Variants in FGF14 observed in about 807,000 individuals in gnomAD.
The protein encoded by FGF14 is fibroblast growth factor homologous factor 4.
Under a neutral mutation model 25.5 loss-of-function variants are expected in FGF14, and 5 were observed. That is an observed-to-expected ratio of 0.20 (90% CI 0.10 to 0.41). The LOEUF is 0.41. FGF14 is among the 10% of genes least tolerant of loss of function. The pLI is 1.00. For missense variants in FGF14, 222 were observed against 320.1 expected, an observed-to-expected ratio of 0.69 and a Z score of 2.34; for synonymous variants, 138 against 118.3, an observed-to-expected ratio of 1.17 and a Z score of -1.08.
chr13:102,087,414 T>C (rs1384446117), intron 1 of FGF14, among the ~76,000 whole-genome samples: 4 of 132,928 alleles, frequency 3.0e-5, no homozygotes, highest in Non-Finnish European at 6.5e-5. Context: ...TTTCTTTTTT[T>C]TTTTTTTTTT....
intron 3 of FGF14, among the ~76,000 whole-genome samples, chr13:101,803,061 G>A (rs2040979433): frequency 6.6e-6 from 1 of 151,768 alleles, no homozygotes; most frequent in Non-Finnish European, 1.5e-5. Context: ...CTTTGCTCTG[G>A]ACAAAGGGGG....
chr13:102,025,951 T>C (rs1055872611), intron 1 of FGF14, among the ~76,000 whole-genome samples: 6 of 152,142 alleles, frequency 3.9e-5, no homozygotes, highest in South Asian at 2.1e-4. Flanking sequence ...GTGTCATTTG[T>C]AAATAGAGTT....
chr13:101,734,083 A>C (rs1383164550), intron 3 of FGF14, among the ~76,000 whole-genome samples: 2 of 152,084 alleles, frequency 1.3e-5, no homozygotes, highest in African/African-American at 2.4e-5. Flanking sequence ...TTCAGGGACC[A>C]GTAGCAACTT....
At chr13:101,857,414 T>G (rs897310199) in intron 3 of FGF14, among the ~76,000 whole-genome samples, 3 of 152,028 alleles carry the variant, frequency 2.0e-5, no homozygotes, top group Non-Finnish European at 4.4e-5. Context: ...TCATCTCTCT[T>G]TATTTAATAT....
intron 1 of FGF14, among the ~76,000 whole-genome samples, chr13:102,041,688 C>T (rs905223358): frequency 1.3e-5 from 2 of 151,970 alleles, no homozygotes; most frequent in Non-Finnish European, 2.9e-5. Context: ...CTTCTGTGTG[C>T]AGAACTGTCT....
Position 102,016,121 on chromosome 13 carries a change from AT to A in FGF14, c.209-140826del, listed in dbSNP as rs1426828318. On this transcript the variant is annotated intron_variant, in intron 1 of 4. Coordinates refer to the FGF14 transcript ENST00000376131. The stretch of plus-strand genomic sequence containing the variant: ...AGTGGCCAATATACGCCAAAGCATC[AT>A]TTTAAGTATTTTAGTTCATTTAGTC... Among the ~76,000 whole-genome samples, 7 of 152,250 alleles carry A rather than the reference AT, an allele frequency of 4.6e-5. 1 individual carries two copies. The highest frequency in any genetic ancestry group is 5.9e-5 in the Non-Finnish European group (4 of 67,992).
intron 2 of FGF14, among the ~76,000 whole-genome samples, chr13:101,873,666 G>C (rs1367210657): frequency 6.6e-6 from 1 of 152,090 alleles, no homozygotes; most frequent in Non-Finnish European, 1.5e-5. Context: ...AAAAGAAACT[G>C]AGCAGAGATA....
At chr13:101,887,572 C>A (rs1594613648) in intron 1 of FGF14, among the ~76,000 whole-genome samples, 1 of 151,838 alleles carries the variant, frequency 6.6e-6, no homozygotes, top group Non-Finnish European at 1.5e-5. Flanking sequence ...TGGTGGTTTG[C>A]AGGGGCTGGG....
chr13:102,254,846 G>A (rs567451742), intron 1 of FGF14, among the ~76,000 whole-genome samples: 2 of 152,314 alleles, frequency 1.3e-5, no homozygotes, highest in Non-Finnish European at 1.5e-5. Flanking sequence ...AAGTCCTGGA[G>A]ACCTGGAGAA....
chr13:101,921,520 G>A (rs2034006379), upstream of FGF14, among the ~76,000 whole-genome samples: 1 of 152,100 alleles, frequency 6.6e-6, no homozygotes, highest in Non-Finnish European at 1.5e-5. Flanking sequence ...GTATATATTT[G>A]TGTAAGATCT....
intron 1 of FGF14, among the ~76,000 whole-genome samples, chr13:102,010,393 A>AC (rs2040015759): frequency 6.6e-6 from 1 of 152,196 alleles, no homozygotes; most frequent in South Asian, 2.1e-4. Flanking sequence ...ATTTTAGAGC[A>AC]CAGAGATGTG....
upstream of FGF14, among the ~76,000 whole-genome samples, chr13:101,921,249 C>A (rs1285303218): frequency 6.6e-6 from 1 of 152,178 alleles, no homozygotes; most frequent in Non-Finnish European, 1.5e-5. Context: ...AACACTGAAT[C>A]TAGGGCACCT....
At chr13:101,780,758 C>T (rs1234099937) in intron 3 of FGF14, among the ~76,000 whole-genome samples, 3 of 152,100 alleles carry the variant, frequency 2.0e-5, no homozygotes, top group Non-Finnish European at 2.9e-5. Context: ...CAGAACAGAA[C>T]TCATCACACA....
intron 1 of FGF14, among the ~76,000 whole-genome samples, chr13:102,135,060 C>CAAAAAA (rs1555364168): frequency 6.5e-5 from 9 of 139,272 alleles, no homozygotes; most frequent in African/African-American, 2.1e-4. Flanking sequence ...CACACACACA[C>CAAAAAA]AAATCCGCGT....
At chr13:102,151,789 T>C (rs577908991) in intron 1 of FGF14, among the ~76,000 whole-genome samples, 71 of 152,276 alleles carry the variant, frequency 4.7e-4, no homozygotes, top group African/African-American at 1.7e-3. Flanking sequence ...TGAGCCACCA[T>C]ACCCGACCTC....
chr13:101,788,352 G>C (rs145751852), intron 3 of FGF14, among the ~76,000 whole-genome samples: 2,122 of 152,252 alleles, frequency 0.014, 51 homozygotes, highest in African/African-American at 0.049. Flanking sequence ...TGTCAGATTA[G>C]AGCAATTAAA....
chr13:102,070,371 C>T (rs975131188), intron 1 of FGF14, among the ~76,000 whole-genome samples: 1 of 152,148 alleles, frequency 6.6e-6, no homozygotes, highest in East Asian at 1.9e-4. Context: ...ATCCAAAAGA[C>T]AGACAATAAC....
At chr13:101,774,303 A>G (rs772205595) in intron 3 of FGF14, among the ~76,000 whole-genome samples, 1 of 152,140 alleles carries the variant, frequency 6.6e-6, no homozygotes, top group Non-Finnish European at 1.5e-5. Context: ...ATGTAAGGAC[A>G]ACATCTGTAA....
chr13:101,855,417 G>A (rs368892542), intron 3 of FGF14, among the ~76,000 whole-genome samples: 2 of 152,000 alleles, frequency 1.3e-5, no homozygotes, highest in East Asian at 3.9e-4. Context: ...TGAACAGAAT[G>A]GTTAAGTTCA....
Sources: gnomAD v4.1 joint callset for allele counts (sites outside exome capture counted in the v4.1 genomes callset) on GRCh38, gnomAD v4.1.1 for gene constraint, MANE v1.5 for transcripts, NCBI Gene and HGNC (gene_info 2026-07-23, HGNC 2026-07-21) for gene names.